WNT9A: variants seen among roughly 807,000 people sequenced by gnomAD.
WNT9A encodes protein Wnt-9a.
In WNT9A, 8 loss-of-function variants were observed where a neutral mutation model predicts 31.4. That is an observed-to-expected ratio of 0.26 (90% CI 0.15 to 0.46). WNT9A has a LOEUF of 0.46. WNT9A is among the 20% of genes least tolerant of loss of function. WNT9A has a pLI of 0.99. For missense variants in WNT9A, 457 were observed against 522.9 expected (o/e 0.87, Z 1.23); for synonymous variants, 236 against 220.1 (o/e 1.07, Z -0.64).
Position 227,921,498 on chromosome 1 carries a change from G to T in WNT9A, c.*20C>A, listed in dbSNP as rs1351059635. On this transcript the variant is annotated 3_prime_UTR_variant, in exon 4 of 4. Coordinates refer to ENST00000272164, the MANE Select transcript of WNT9A (RefSeq NM_003395.4). ...GCAATGCCTGCACCCTGTGCAGCAGGGCTGGCAGGGCCTGGGAACTCAGCC... is the reference window on the plus strand; with the variant it reads ...GCAATGCCTGCACCCTGTGCAGCAGTGCTGGCAGGGCCTGGGAACTCAGCC... The T allele has an allele frequency of 6.3e-7, 1 of 1,595,374 alleles. No homozygotes were observed. The highest frequency in any genetic ancestry group is 1.3e-5 in the African/African-American group (1 of 74,656).
chr1:227,924,396 G>A lies in WNT9A; in HGVS notation c.357C>T (p.Phe119=). 6.2e-7 allele frequency: 1 copy of A among 1,608,742 alleles called. No homozygotes were observed. The highest frequency in any genetic ancestry group is 8.5e-7 in the Non-Finnish European group (1 of 1,175,878). ...RYRASLLKRG[F]KETAFLYAIS... ...TGGCATAGAGGAAGGCAGTCTCCTT[G>A]AAGCCTGGGGTTGGCAAGGGCCGAT... Residue 119 remains phenylalanine (F), a synonymous_variant, in exon 3 of 4, where the codon TTC becomes TTT. Transcript: ENST00000272164.
At chr1:227,931,841 C>T (rs994463122) in intron 1 of WNT9A, among the ~76,000 whole-genome samples, 1 of 151,022 alleles carries the variant, frequency 6.6e-6, no homozygotes, top group Non-Finnish European at 1.5e-5. Flanking sequence ...GACTGGTCAG[C>T]GTGGTGGCTG....
At position 227,941,897 on chromosome 1, in the gene WNT9A, G is replaced by A. The variant is rs1016827468; in HGVS notation, c.95+5896C>T. Among the ~76,000 whole-genome samples the A allele has an allele frequency of 3.9e-5, 6 of 152,076 alleles. No individual in the cohort carries two copies. In the East Asian group the frequency reaches 5.8e-4, roughly 15 times the overall value. ...TGCCGCAGCTGGGATCAGGTGGCGC[G>A]ACCGAGGCCTGTCAACAGGTGTCGC... On this transcript the variant is annotated intron_variant, in intron 1 of 3. Transcript: ENST00000272164.
rs1027517681 is a variant in WNT9A, at chr1:227,921,924, C to T, written c.692G>A (p.Arg231Gln). The change falls in exon 4 of 4, where the codon CGG (arginine) becomes CAG (glutamine). Residue 231 changes from arginine (R) to glutamine (Q), a missense_variant. Arg to Gln is a conservative substitution (Grantham distance 43). Coordinates refer to ENST00000272164, the MANE Select transcript of WNT9A (RefSeq NM_003395.4). ...SGSCTVRTCW[R>Q]QLAPFHEVGK... Reference sequence around the variant, plus strand: ...CACCTCATGGAAAGGCGCCAACTGCCGCCAGCAGGTCCGCACCGTGCATGA... The same window carrying T: ...CACCTCATGGAAAGGCGCCAACTGCTGCCAGCAGGTCCGCACCGTGCATGA... 5.6e-6 allele frequency: 9 copies of T among 1,613,158 alleles called. No homozygotes were observed. Among genetic ancestry groups the T allele is most frequent in the South Asian group, 1.1e-5 (1 of 91,086 alleles).
rs1317419335 is a variant in WNT9A, at chr1:227,947,835, G to A, written c.53C>T (p.Thr18Met). 1.2e-5 allele frequency: 13 copies of A among 1,091,798 alleles called. No homozygotes were observed. Among genetic ancestry groups the A allele is most frequent in the African/African-American group, 1.7e-5 (1 of 59,390 alleles). 67.6% of individuals were successfully genotyped at this position (1,091,798 alleles called of 1,614,324 possible). The change falls in exon 1 of 4, where the codon ACG becomes ATG. Residue 18 changes from threonine to methionine, a missense_variant. By Grantham distance (81) the Thr-to-Met change is moderately conservative. Transcript: ENST00000272164. Reference protein sequence around the residue: ...ARWLAAAFGLTLLLAALRPSA... With the variant: ...ARWLAAAFGLMLLLAALRPSA... ...AGGGCGCAGCGCGGCGAGCAGCAGC[G>A]TCAGCCCGAAGGCCGCGGCCAGCCA...
chr1:227,941,509 G>A (rs1045959708), intron 1 of WNT9A: 3 of 154,082 alleles, frequency 1.9e-5, no homozygotes, highest in Non-Finnish European at 4.4e-5. Context: ...GGACCCTCCT[G>A]GCAAACCCCA....
rs1476392061 is a variant in WNT9A, at chr1:227,926,102, T to C, written c.96-583A>G. ...TCCAGCTGGGGTCTCCCCACCTCAG[T>C]GCCTGGGTGTGGCACTGGGAAGCAG... On this transcript the variant is annotated intron_variant, in intron 1 of 3. Transcript: ENST00000272164. This position sits in a 1 kb window ranked among gnomAD's most constrained non-coding sequence, Gnocchi z 5.0. Among the ~76,000 whole-genome samples, 1 of 152,072 alleles carries C rather than the reference T, an allele frequency of 6.6e-6. No individual in the cohort carries two copies. The highest frequency in any genetic ancestry group is 6.5e-5 in the Admixed American group (1 of 15,280).
Position 227,931,482 on chromosome 1 carries a change from CA to C in WNT9A, c.96-5964del, listed in dbSNP as rs532490581. On this transcript the variant is annotated intron_variant, in intron 1 of 3. Coordinates refer to ENST00000272164, the MANE Select transcript of WNT9A (RefSeq NM_003395.4). ...CATCTAAGGACTGAGCTATTCTTGG[CA>C]AAAAGATTTCCTTTCTGATCCAGTT... 1.7e-4 allele frequency among the ~76,000 whole-genome samples: 26 copies of C among 152,248 alleles called. No individual in the cohort carries two copies. The South Asian group carries it at 4.8e-3, about 28-fold the overall frequency.
intron 1 of WNT9A, among the ~76,000 whole-genome samples, chr1:227,934,417 G>A (rs1666556540): frequency 6.6e-6 from 1 of 152,128 alleles, no homozygotes; most frequent in African/African-American, 2.4e-5. Flanking sequence ...TTATTGTCAT[G>A]AATCTATTAA....
In WNT9A at chr1:227,947,855, C is replaced by A; in HGVS notation, c.33G>T (p.Leu11=). Residue 11 remains leucine (L), a synonymous_variant, in exon 1 of 4, where the codon CTG becomes CTT. Transcript: ENST00000272164. ...GCAGCGTCAGCCCGAAGGCCGCGGC[C>A]AGCCAGCGCGCCAGCGGGGACCCAT... The part of the protein sequence containing the change: MLDGSPLARW[L]AAAFGLTLLL... 9.2e-7 allele frequency: 1 copy of A among 1,088,438 alleles called. No individual in the cohort carries two copies. Among genetic ancestry groups the A allele is most frequent in the South Asian group, 4.3e-5 (1 of 23,364 alleles). The allele number at this position is 1,088,438 out of a possible 1,614,324, so 67.4% of individuals were successfully genotyped here.
chr1:227,921,479 C>A lies in WNT9A; in HGVS notation c.*39G>T. ...TAGACCCTTCACACCGTGTGCAATG[C>A]CTGCACCCTGTGCAGCAGGGCTGGC... On this transcript the variant is annotated 3_prime_UTR_variant, in exon 4 of 4. Transcript: ENST00000272164. 6.3e-7 allele frequency: 1 copy of A among 1,581,220 alleles called. No homozygotes were observed. The highest frequency in any genetic ancestry group is 1.2e-5 in the South Asian group (1 of 84,562).
intron 1 of WNT9A, among the ~76,000 whole-genome samples, chr1:227,939,370 G>A (rs1234629049): frequency 6.6e-6 from 1 of 152,164 alleles, no homozygotes; most frequent in African/African-American, 2.4e-5. Context: ...AGCACACATG[G>A]TGCTGAGTCT....
Position 227,921,917 on chromosome 1 carries a change from C to A in WNT9A, c.699G>T (p.Leu233Phe). ...GCTTGCCCACCTCATGGAAAGGCGC[C>A]AACTGCCGCCAGCAGGTCCGCACCG... ...SCTVRTCWRQ[L>F]APFHEVGKHL... The change falls in exon 4 of 4, where the codon TTG becomes TTT. Residue 233 changes from leucine (L) to phenylalanine (F), a missense_variant. Physicochemically the swap from Leu to Phe is conservative, Grantham distance 22. Coordinates refer to ENST00000272164, the MANE Select transcript of WNT9A (RefSeq NM_003395.4). 2 of 1,613,160 alleles carry A rather than the reference C, an allele frequency of 1.2e-6. No individual in the cohort carries two copies. Among genetic ancestry groups the A allele is most frequent in the Non-Finnish European group, 1.7e-6 (2 of 1,179,946 alleles).
intron 1 of WNT9A, among the ~76,000 whole-genome samples, chr1:227,934,303 C>A (rs1347998607): frequency 2.6e-5 from 4 of 152,322 alleles, no homozygotes; most frequent in African/African-American, 9.6e-5. Flanking sequence ...CTCAATGCCC[C>A]ACTTTCTTTA....
At chr1:227,946,573 A>G (rs1040261826) in intron 1 of WNT9A, among the ~76,000 whole-genome samples, 1 of 152,234 alleles carries the variant, frequency 6.6e-6, no homozygotes, top group Admixed American at 6.5e-5. Context: ...TGGGGGCCCC[A>G]GGGAACTGAG....
At chr1:227,927,050 C>T (rs1157096840) in intron 1 of WNT9A, among the ~76,000 whole-genome samples, 1 of 152,122 alleles carries the variant, frequency 6.6e-6, no homozygotes, top group Admixed American at 6.5e-5. Context: ...GCTGAGATAC[C>T]CTGCCCGGCC....
intron 1 of WNT9A, among the ~76,000 whole-genome samples, chr1:227,929,984 T>C (rs983471078): frequency 2.0e-5 from 3 of 152,140 alleles, no homozygotes; most frequent in African/African-American, 7.2e-5. Flanking sequence ...CTGTGTTTTA[T>C]AAGCTCCCAG....
chr1:227,933,140 T>G (rs1374927565), intron 1 of WNT9A, among the ~76,000 whole-genome samples: 1 of 152,262 alleles, frequency 6.6e-6, no homozygotes, highest in Non-Finnish European at 1.5e-5. Context: ...GAAGATCTGT[T>G]GTTACTGTGG....
rs774741934 is a variant in WNT9A at position 227,921,925 on chromosome 1, G to C, written c.691C>G (p.Arg231Gly). 6.2e-7 allele frequency: 1 copy of C among 1,613,118 alleles called. No individual in the cohort carries two copies. Among genetic ancestry groups the C allele is most frequent in the Admixed American group, 1.7e-5 (1 of 60,030 alleles). ...SGSCTVRTCW[R>G]QLAPFHEVGK... Reference sequence around the variant, plus strand: ...ACCTCATGGAAAGGCGCCAACTGCCGCCAGCAGGTCCGCACCGTGCATGAG... The same window carrying C: ...ACCTCATGGAAAGGCGCCAACTGCCCCCAGCAGGTCCGCACCGTGCATGAG... Residue 231 changes from arginine (R) to glycine (G), a missense_variant, in exon 4 of 4, where the codon CGG (arginine) becomes GGG (glycine). Coordinates refer to ENST00000272164, the MANE Select transcript of WNT9A (RefSeq NM_003395.4).
Sources: gnomAD v4.1 joint callset for allele counts (sites outside exome capture counted in the v4.1 genomes callset) on GRCh38, gnomAD v4.1.1 for gene constraint, Gnocchi (gnomAD v3.1) non-coding constraint, MANE v1.5 for transcripts, NCBI Gene and HGNC (gene_info 2026-07-23, HGNC 2026-07-21) for gene names.